CLPB: variants seen among roughly 807,000 people sequenced by gnomAD.
CLPB encodes ClpB family mitochondrial disaggregase, also known as mitochondrial disaggregase.
A neutral mutation model predicts 78.4 loss-of-function variants in CLPB; 40 were observed. The observed-to-expected ratio is 0.51, with a 90% confidence interval of 0.40 to 0.66. The LOEUF (loss-of-function observed/expected upper bound fraction) is 0.66, where lower values mean the gene tolerates loss of function less well. Among genes scored for constraint, CLPB ranks in the 30% least tolerant of loss-of-function variants. The pLI is 0.00. For synonymous variants in CLPB, 333 were observed against 348.0 expected, an observed-to-expected ratio of 0.96 and a Z score of 0.48; for missense variants, 780 against 886.9, an observed-to-expected ratio of 0.88 and a Z score of 1.53.
At position 72,353,623 on chromosome 11, in the gene CLPB, C is replaced by CA. The variant is rs201992571; in HGVS notation, c.775+5256dup. ...AGCATTGCAGCAAAGGAGATGGAGA[C>CA]AAAAAAAGACACAGGCCTGGCCTTC... is the stretch of plus-strand genomic sequence containing the variant. On this transcript the variant is annotated intron_variant, in intron 5 of 15. Coordinates refer to ENST00000538039, the MANE Select transcript of CLPB (RefSeq NM_001258392.3). Among the ~76,000 whole-genome samples, 1,304 of 152,122 alleles carry CA rather than the reference C, an allele frequency of 8.6e-3. 18 individuals carry two copies. Among genetic ancestry groups the CA allele is most frequent in the African/African-American group, 0.03 (1,259 of 41,516 alleles).
intron 1 of CLPB, among the ~76,000 whole-genome samples, chr11:72,431,978 A>G (rs887867972): frequency 5.9e-5 from 9 of 152,194 alleles, no homozygotes; most frequent in African/African-American, 2.2e-4. Context: ...CTTCTTAGGC[A>G]AGACCTCACC....
intron 2 of CLPB, among the ~76,000 whole-genome samples, chr11:72,407,865 T>C (rs1436209876): frequency 6.6e-6 from 1 of 152,144 alleles, no homozygotes; most frequent in African/African-American, 2.4e-5. Flanking sequence ...GCCAGGATGG[T>C]CTTGATCTCC....
In CLPB at chr11:72,289,417, C is replaced by T. The variant is rs909025517; in HGVS notation, c.*3950G>A. ...ACAGGCTGGTTACTAGCTGACTTAACTAGAGCCTCTATGGGAAGTCTAAAC... is the reference window on the plus strand; with the variant it reads ...ACAGGCTGGTTACTAGCTGACTTAATTAGAGCCTCTATGGGAAGTCTAAAC... On this transcript the variant is annotated 3_prime_UTR_variant, in exon 16 of 16. Coordinates refer to ENST00000538039, the MANE Select transcript of CLPB (RefSeq NM_001258392.3). The T allele has an allele frequency of 3.9e-5, 6 of 152,056 alleles. No homozygotes were observed. The highest frequency in any genetic ancestry group is 1.4e-4 in the African/African-American group (6 of 41,384). 9.4% of individuals were successfully genotyped at this position (152,056 alleles called of 1,614,324 possible). A position where few individuals can be genotyped will look rare whatever the true frequency, so the allele number is the denominator to read the frequency against.
chr11:72,427,102 G>A (rs1465212478), intron 2 of CLPB, among the ~76,000 whole-genome samples: 2 of 152,212 alleles, frequency 1.3e-5, no homozygotes, highest in African/African-American at 4.8e-5. Context: ...AGATGGCAGA[G>A]GGCCATCTGT....
chr11:72,324,690 C>T (rs1950101523), intron 6 of CLPB, among the ~76,000 whole-genome samples: 1 of 152,214 alleles, frequency 6.6e-6, no homozygotes, highest in Non-Finnish European at 1.5e-5. Flanking sequence ...AGTACAGAGC[C>T]AGGCACATGG....
intron 6 of CLPB, among the ~76,000 whole-genome samples, chr11:72,323,270 G>A (rs752409800): frequency 6.6e-6 from 1 of 152,182 alleles, no homozygotes; most frequent in Non-Finnish European, 1.5e-5. Context: ...ACCTGCACTT[G>A]TTAAAATGTC....
chr11:72,337,081 T>C (rs937972912), intron 5 of CLPB: 7 of 398,566 alleles, frequency 1.8e-5, no homozygotes, highest in Admixed American at 8.8e-5. Context: ...CCAGTATGTA[T>C]GGGGCTACTC....
chr11:72,291,709 T>TAG lies in CLPB; in HGVS notation c.*1657_*1658insCT, dbSNP rs1206977408. On this transcript the variant is annotated 3_prime_UTR_variant, in exon 16 of 16. Transcript: ENST00000538039. Reference sequence around the variant, plus strand: ...GGAATTTTCTACTATTTCTGCAACTTTCTCTAAGTCTAAAATTATTTCAAA... The same window carrying TAG: ...GGAATTTTCTACTATTTCTGCAACTTAGTCTCTAAGTCTAAAATTATTTCAAA... 1.3e-5 allele frequency: 2 copies of TAG among 151,990 alleles called. No homozygotes were observed. The highest frequency in any genetic ancestry group is 4.8e-5 in the African/African-American group (2 of 41,374). 9.4% of individuals were successfully genotyped at this position (151,990 alleles called of 1,614,324 possible).
Position 72,294,450 on chromosome 11 carries a change from G to A in CLPB, c.1561-6C>T, listed in dbSNP as rs780073036. 5 of 1,614,116 alleles carry A rather than the reference G, an allele frequency of 3.1e-6. No individual in the cohort carries two copies. The highest frequency in any genetic ancestry group is 4.2e-6 in the Non-Finnish European group (5 of 1,180,010). ...TCATCCCTCCGGAAGTGAGCCTGAA[G>A]GGCCAGGTTAGGGGTGGGATGAGCT... On this transcript the variant is annotated splice_region_variant and splice_polypyrimidine_tract_variant and intron_variant, in intron 13 of 15. Coordinates refer to ENST00000538039, the MANE Select transcript of CLPB (RefSeq NM_001258392.3).
intron 5 of CLPB, among the ~76,000 whole-genome samples, chr11:72,341,488 G>A (rs562949575): frequency 1.3e-5 from 2 of 152,376 alleles, no homozygotes; most frequent in South Asian, 2.1e-4. Flanking sequence ...TTCACTTCAT[G>A]TAGGCCAACC....
In CLPB at chr11:72,434,138, G is replaced by T; in HGVS notation, c.337C>A (p.Leu113Met). 3 of 1,612,462 alleles carry T rather than the reference G, an allele frequency of 1.9e-6. No homozygotes were observed. The highest frequency in any genetic ancestry group is 1.1e-5 in the South Asian group (1 of 91,084). Residue 113 changes from leucine to methionine, a missense_variant, in exon 1 of 16, where the codon CTG becomes ATG. Physicochemically the swap from Leu to Met is conservative, Grantham distance 15. Transcript: ENST00000538039. ...GCTGCGGCCAGGGCGCACATGCCCA[G>T]TCCGGCCCTGCTGGGGACCCCGTTC... ...SWNGVPSRAG[L>M]GMCALAAALV...
intron 2 of CLPB, among the ~76,000 whole-genome samples, chr11:72,419,898 T>A (rs1226195788): frequency 2.6e-5 from 4 of 152,234 alleles, no homozygotes; most frequent in Admixed American, 2.6e-4. Flanking sequence ...CCTGTACATG[T>A]CTGACTACTG....
chr11:72,418,978 G>A (rs1174052490), intron 2 of CLPB, among the ~76,000 whole-genome samples: 3 of 152,162 alleles, frequency 2.0e-5, no homozygotes, highest in Admixed American at 6.5e-5. Flanking sequence ...TTGCTCAGAA[G>A]GGAGGAACAC....
chr11:72,310,653 C>T (rs1455150471), intron 7 of CLPB, among the ~76,000 whole-genome samples: 1 of 152,138 alleles, frequency 6.6e-6, no homozygotes, highest in Admixed American at 6.5e-5. Flanking sequence ...GAGCCGTGTT[C>T]TTCTAAAAGT....
At chr11:72,325,441 AG>A in intron 6 of CLPB, among the ~76,000 whole-genome samples, 1 of 152,302 alleles carries the variant, frequency 6.6e-6, no homozygotes, top group East Asian at 1.9e-4. Context: ...ACTCAGGGAC[AG>A]GGGCTGGGCC....
intron 3 of CLPB, among the ~76,000 whole-genome samples, chr11:72,384,204 T>C (rs1306246422): frequency 6.6e-6 from 1 of 152,144 alleles, no homozygotes; most frequent in Admixed American, 6.5e-5. Context: ...GGTAAGCACA[T>C]AGTTAAATTC....
chr11:72,433,191 T>C (rs1856596409), intron 1 of CLPB, among the ~76,000 whole-genome samples: 2 of 152,112 alleles, frequency 1.3e-5, no homozygotes, highest in Admixed American at 1.3e-4. Flanking sequence ...ACTGACAGAC[T>C]CAGGCCGCTG....
intron 2 of CLPB, among the ~76,000 whole-genome samples, chr11:72,422,425 C>A (rs1856237682): frequency 6.6e-6 from 1 of 152,104 alleles, no homozygotes; most frequent in Non-Finnish European, 1.5e-5. Flanking sequence ...AAAACGAGGT[C>A]TTTTAATTCT....
At chr11:72,431,212 C>T (rs182323261) in intron 1 of CLPB, among the ~76,000 whole-genome samples, 1 of 152,330 alleles carries the variant, frequency 6.6e-6, no homozygotes, top group African/African-American at 2.4e-5. Flanking sequence ...ACTCAAAAGT[C>T]AACAGGAGAG....
Sources: gnomAD v4.1 joint callset for allele counts (sites outside exome capture counted in the v4.1 genomes callset) on GRCh38, gnomAD v4.1.1 for gene constraint, MANE v1.5 for transcripts, NCBI Gene and HGNC (gene_info 2026-07-23, HGNC 2026-07-21) for gene names.